The following RTF1 variants were observed in gnomAD, a reference collection of about 807,000 sequenced individuals.
RTF1 encodes the protein RNA polymerase-associated protein RTF1 homolog.
Under a neutral mutation model 95.7 loss-of-function variants are expected in RTF1, and 10 were observed. The observed-to-expected ratio is 0.10, with a 90% CI of 0.06 to 0.18. The LOEUF is 0.18. RTF1 is among the 10% of genes least tolerant of loss of function. The probability of loss-of-function intolerance (pLI) is 1.00; values close to 1 mark genes in which losing one functional copy is unlikely to be tolerated. For synonymous variants in RTF1, 305 were observed against 311.8 expected (o/e 0.98, Z 0.23); for missense variants, 458 against 875.6 (o/e 0.52, Z 6.02).
intron 1 of RTF1, among the ~76,000 whole-genome samples, chr15:41,436,623 CAAAAAAAAA>C (rs1217444789): frequency 3.9e-5 from 2 of 50,818 alleles, no homozygotes; most frequent in Non-Finnish European, 8.3e-5. Flanking sequence ...GACTCTGTCT[CAAAAAAAAA>C]AAAAAAAAAA....
At chr15:41,479,792 G>C (rs946904096) in intron 16 of RTF1, among the ~76,000 whole-genome samples, 2 of 151,848 alleles carry the variant, frequency 1.3e-5, no homozygotes, top group African/African-American at 4.8e-5. Flanking sequence ...GAACCTGGGA[G>C]GGGGAGGTTG....
intron 6 of RTF1, 115 bp downstream of exon 6, chr15:41,466,367 C>T: frequency 1.6e-6 from 1 of 619,862 alleles, no homozygotes; most frequent in East Asian, 3.1e-5. Context: ...CAGCACATAC[C>T]CAGAATAGTA....
chr15:41,427,169 T>TTTA (rs2050639423), intron 1 of RTF1, among the ~76,000 whole-genome samples: 2 of 85,206 alleles, frequency 2.3e-5, no homozygotes, highest in Non-Finnish European at 2.2e-5. Flanking sequence ...TTTTTTTTTT[T>TTTA]GAGACAGAGT....
chr15:41,428,575 CCTT>C (rs1033473599), intron 1 of RTF1, among the ~76,000 whole-genome samples: 47 of 150,352 alleles, frequency 3.1e-4, no homozygotes, highest in African/African-American at 1.0e-3. Flanking sequence ...GCCCCCTACT[CCTT>C]TTTTTTTTTT....
At chr15:41,432,446 C>T (rs1310108614) in intron 1 of RTF1, among the ~76,000 whole-genome samples, 1 of 151,798 alleles carries the variant, frequency 6.6e-6, no homozygotes, top group Non-Finnish European at 1.5e-5. Flanking sequence ...ATCCACCCAC[C>T]TCAGCCTCCC....
intron 12 of RTF1, 125 bp downstream of exon 12, chr15:41,476,648 A>G (rs2050943059): frequency 2.4e-6 from 2 of 836,438 alleles, no homozygotes; most frequent in Non-Finnish European, 3.9e-6. Flanking sequence ...ATTATAAGCA[A>G]CACAGTGTGT....
rs767661257 is a variant in RTF1 at position 41,479,156 on chromosome 15, C to T, written c.1872C>T (p.Tyr624=). ...TCTTGGCCCAGCTGAATGCAAAATA[C>T]GGTTCTGGAGTGTTACCAGATGCTC... ...AAILAQLNAK[Y]GSGVLPDAPK... is the part of the protein sequence containing the mutation. Residue 624 remains tyrosine, a synonymous_variant, in exon 16 of 18, where the codon TAC becomes TAT. Transcript: ENST00000389629. 25 of 1,613,646 alleles carry T rather than the reference C, an allele frequency of 1.5e-5. No homozygotes were observed. Among genetic ancestry groups the T allele is most frequent in the East Asian group, 2.2e-5 (1 of 44,888 alleles).
At chr15:41,477,635 C>T in intron 14 of RTF1, 120 bp downstream of exon 14, 1 of 825,364 alleles carries the variant, frequency 1.2e-6, no homozygotes. Context: ...TTAACGTATA[C>T]ACACTCTCTC....
intron 1 of RTF1, among the ~76,000 whole-genome samples, chr15:41,421,525 GGAGTCTGGGGTGGGAGGATTGCTT>G (rs1340249119): frequency 6.6e-6 from 1 of 151,520 alleles, no homozygotes; most frequent in African/African-American, 2.4e-5. Context: ...CAGCTACTTG[GGAGTCTGGGGTGGGAGGATTGCTT>G]GAGCCTGGGA....
At chr15:41,431,115 A>G (rs1375419704) in intron 1 of RTF1, among the ~76,000 whole-genome samples, 1 of 150,586 alleles carries the variant, frequency 6.6e-6, no homozygotes, top group Non-Finnish European at 1.5e-5. Context: ...CATGTTGGCC[A>G]GGCTGGTCTT....
intron 2 of RTF1, among the ~76,000 whole-genome samples, chr15:41,446,883 A>G (rs1377443372): frequency 4.0e-5 from 6 of 150,814 alleles, no homozygotes; most frequent in Non-Finnish European, 8.9e-5. Flanking sequence ...GCTTACTGCA[A>G]CCTCCACCTC....
chr15:41,444,374 A>C (rs1372604331), intron 2 of RTF1, among the ~76,000 whole-genome samples: 2 of 151,628 alleles, frequency 1.3e-5, no homozygotes, highest in African/African-American at 2.4e-5. Context: ...GCTCACTGCA[A>C]CCTCCGCCTC....
chr15:41,467,398 A>G (rs958062455), intron 6 of RTF1, among the ~76,000 whole-genome samples: 5 of 152,148 alleles, frequency 3.3e-5, no homozygotes, highest in Non-Finnish European at 7.4e-5. Flanking sequence ...ACATGGGTAT[A>G]GAGATGGGTG....
At position 41,476,540 on chromosome 15, in the gene RTF1, G is replaced by A. The variant is rs777936243; in HGVS notation, c.1560+17G>A. 11 of 1,603,152 alleles carry A rather than the reference G, an allele frequency of 6.9e-6. No homozygotes were observed. Among genetic ancestry groups the A allele is most frequent in the Admixed American group, 5.0e-5 (3 of 59,932 alleles). ...AAGGAAAAGGTAAGGAGTTGTACTC[G>A]AGCCTCTTTCCTCATCCTGTAAGGA... On this transcript the variant is annotated intron_variant, in intron 12 of 17. Coordinates refer to ENST00000389629, the MANE Select transcript of RTF1 (RefSeq NM_015138.5).
chr15:41,463,478 C>T (rs1296234575), intron 4 of RTF1, among the ~76,000 whole-genome samples: 1 of 152,122 alleles, frequency 6.6e-6, no homozygotes, highest in African/African-American at 2.4e-5. Flanking sequence ...CTTGTCTTTT[C>T]CTTTTTTTGT....
At chr15:41,437,411 G>A (rs1239878871) in intron 1 of RTF1, among the ~76,000 whole-genome samples, 1 of 151,880 alleles carries the variant, frequency 6.6e-6, no homozygotes, top group Non-Finnish European at 1.5e-5. Flanking sequence ...CAGGAGAATG[G>A]TGTGAACCCG....
chr15:41,437,125 AT>A (rs113376784), intron 1 of RTF1, among the ~76,000 whole-genome samples: 4,122 of 152,096 alleles, frequency 0.027, 76 homozygotes, highest in Middle Eastern at 0.082. Context: ...CAACAAAAAA[AT>A]CTCTTTTCTT....
chr15:41,423,180 A>G (rs1047510767), intron 1 of RTF1, among the ~76,000 whole-genome samples: 1 of 152,196 alleles, frequency 6.6e-6, no homozygotes, highest in African/African-American at 2.4e-5. Context: ...GAGAAATTTA[A>G]AAGTTGTGCT....
Position 41,480,282 on chromosome 15 carries a change from A to G in RTF1, c.1983A>G (p.Val661=). 6.2e-7 allele frequency: 1 copy of G among 1,613,974 alleles called. No individual in the cohort carries two copies. The highest frequency in any genetic ancestry group is 8.5e-7 in the Non-Finnish European group (1 of 1,179,824). Residue 661 remains valine, a synonymous_variant, in exon 17 of 18, where the codon GTA becomes GTG. Transcript: ENST00000389629. ...ACCTCTCAGAAGATCTGTTCAAAGT[A>G]CACGATTTTGATGTGAAGATTGACT... ...ASDLSEDLFK[V]HDFDVKIDLQ...
Sources: gnomAD v4.1 joint callset for allele counts (sites outside exome capture counted in the v4.1 genomes callset) on GRCh38, gnomAD v4.1.1 for gene constraint, MANE v1.5 for transcripts, NCBI Gene and HGNC (gene_info 2026-07-23, HGNC 2026-07-21) for gene names.